Variants in TRPM3 observed in about 807,000 individuals in gnomAD.
The protein encoded by TRPM3 is long transient receptor potential channel 3.
Under a neutral mutation model 181.2 loss-of-function variants are expected in TRPM3, and 77 were observed. The observed-to-expected ratio is 0.42, with a 90% CI of 0.35 to 0.51. The LOEUF is 0.51. TRPM3 is among the 20% of genes least tolerant of loss of function. The pLI, the probability that TRPM3 is intolerant of heterozygous loss-of-function variation, is 0.01. For synonymous variants in TRPM3, 745 were observed against 796.4 expected, an observed-to-expected ratio of 0.94 and a Z score of 1.09; for missense variants, 1,759 against 2,196.7, an observed-to-expected ratio of 0.80 and a Z score of 3.98.
chr9:70,785,882 G>A (rs1308469562), intron 6 of TRPM3, among the ~76,000 whole-genome samples: 1 of 152,156 alleles, frequency 6.6e-6, no homozygotes, highest in Non-Finnish European at 1.5e-5. Context: ...GATGATTGTT[G>A]ATCAAGGCAA....
chr9:70,831,247 A>T (rs1489086044), intron 5 of TRPM3, among the ~76,000 whole-genome samples: 1 of 152,218 alleles, frequency 6.6e-6, no homozygotes, highest in Non-Finnish European at 1.5e-5. Context: ...ATATCTAAAA[A>T]GATTTGCTGA....
Position 70,758,677 on chromosome 9 carries a change from C to G in TRPM3, c.1272+2924G>C, listed in dbSNP as rs565227836. Among the ~76,000 whole-genome samples, 7 of 152,224 alleles carry G rather than the reference C, an allele frequency of 4.6e-5. No homozygotes were observed. In the South Asian group the frequency reaches 1.5e-3, roughly 32 times the overall value. On this transcript the variant is annotated intron_variant, in intron 8 of 25. Coordinates refer to ENST00000677713, the MANE Select transcript of TRPM3 (RefSeq NM_001366145.2). The stretch of plus-strand genomic sequence containing the variant: ...AACAGAGGCCTCAGAAATAATGCCA[C>G]AAATCTACAACGATCTGATCTTTGA...
At chr9:71,371,327 G>A (rs1165876266) in intron 1 of TRPM3, among the ~76,000 whole-genome samples, 1 of 152,202 alleles carries the variant, frequency 6.6e-6, no homozygotes, top group Non-Finnish European at 1.5e-5. Flanking sequence ...CCTCTGGAAA[G>A]GATCCACCAT....
intron 9 of TRPM3, among the ~76,000 whole-genome samples, chr9:70,645,491 A>T (rs1018106155): frequency 3.3e-5 from 5 of 152,196 alleles, no homozygotes; most frequent in African/African-American, 1.2e-4. Context: ...GGTGTTGGAA[A>T]AACTGGCTAG....
rs979734632 is a variant in TRPM3, at chr9:71,229,393, G to A, written c.183+217260C>T. On this transcript the variant is annotated intron_variant, in intron 1 of 24. Coordinates refer to the TRPM3 transcript ENST00000357533. ...AAGAAAACTTTGGAGAAACTCTCCAGGACATTAAACTTGGCAAAGGTTTCT... is the reference window on the plus strand; with the variant it reads ...AAGAAAACTTTGGAGAAACTCTCCAAGACATTAAACTTGGCAAAGGTTTCT... Among the ~76,000 whole-genome samples the A allele has an allele frequency of 3.9e-5, 6 of 152,098 alleles. No homozygotes were observed. The East Asian group carries it at 1.2e-3, about 29-fold the overall frequency.
Position 70,536,049 on chromosome 9 carries a change from G to C in TRPM3, c.5064C>G (p.Ser1688Arg), listed in dbSNP as rs761787198. Residue 1688 changes from serine to arginine, a missense_variant, in exon 26 of 26, where the codon AGC becomes AGG. Ser to Arg is a moderately radical substitution (Grantham distance 110). Transcript: ENST00000677713. ...CTCGGCCCTCCGGCTTGGAGGACTT[G>C]CTTCTCTGGAAGGGATTTCGCAGGC... ...TASLRNPFQR[S>R]KSSKPEGRGD... is the part of the protein sequence containing the mutation. 3 of 1,613,936 alleles carry C rather than the reference G, an allele frequency of 1.9e-6. No homozygotes were observed. Among genetic ancestry groups the C allele is most frequent in the Non-Finnish European group, 2.5e-6 (3 of 1,179,964 alleles).
chr9:70,676,838 C>T (rs548707235), intron 9 of TRPM3, among the ~76,000 whole-genome samples: 1 of 152,162 alleles, frequency 6.6e-6, no homozygotes, highest in Admixed American at 6.5e-5. Flanking sequence ...CATTCTCCCC[C>T]AAGGCAAGCC....
At chr9:70,836,478 C>T (rs1169086058) in intron 5 of TRPM3, among the ~76,000 whole-genome samples, 1 of 152,190 alleles carries the variant, frequency 6.6e-6, no homozygotes, top group Non-Finnish European at 1.5e-5. Context: ...TCTTCTGAAA[C>T]AGCTTTGACC....
intron 1 of TRPM3, among the ~76,000 whole-genome samples, chr9:71,322,153 G>C (rs1171046264): frequency 6.6e-6 from 1 of 152,068 alleles, no homozygotes; most frequent in African/African-American, 2.4e-5. Flanking sequence ...TCCAAGTACA[G>C]ACAACTTGAA....
chr9:71,248,931 G>C (rs558487949), intron 1 of TRPM3, among the ~76,000 whole-genome samples: 1 of 152,174 alleles, frequency 6.6e-6, no homozygotes, highest in Admixed American at 6.6e-5. Context: ...GAAGGAAGAA[G>C]AGGAAAACAG....
At chr9:71,342,193 C>T (rs1432183192) in intron 1 of TRPM3, among the ~76,000 whole-genome samples, 1 of 145,864 alleles carries the variant, frequency 6.9e-6, no homozygotes, top group Non-Finnish European at 1.5e-5. Context: ...AAGTTTGGCA[C>T]ATTTGGAATG....
At chr9:70,551,159 A>G (rs1365797925) in intron 24 of TRPM3, among the ~76,000 whole-genome samples, 1 of 152,234 alleles carries the variant, frequency 6.6e-6, no homozygotes, top group Non-Finnish European at 1.5e-5. Context: ...AAATTTTAAC[A>G]ATAAAAATTA....
rs1027975818 is a variant in TRPM3, at chr9:71,083,428, A to G, written c.177+37750T>C. On this transcript the variant is annotated intron_variant, in intron 1 of 25. Transcript: ENST00000677713. ...ACCCAAGTCTGACTGATTTGAAGCC[A>G]GTCCTCTTCCCGATCCTTCATCCTG... 8.5e-5 allele frequency among the ~76,000 whole-genome samples: 13 copies of G among 152,178 alleles called. 1 individual carries two copies. The highest frequency in any genetic ancestry group is 3.1e-4 in the African/African-American group (13 of 41,536).
intron 1 of TRPM3, among the ~76,000 whole-genome samples, chr9:71,210,193 T>C (rs2174306): frequency 0.43 from 65,229 of 151,888 alleles, 14,406 homozygotes; most frequent in East Asian, 0.52. Context: ...TTTTGTGAAC[T>C]ATACATGTGA....
chr9:71,372,862 A>G (rs1052383599), intron 1 of TRPM3, among the ~76,000 whole-genome samples: 1 of 152,268 alleles, frequency 6.6e-6, no homozygotes, highest in Non-Finnish European at 1.5e-5. Flanking sequence ...ATTTACCTCT[A>G]TCATATGATA....
At chr9:71,125,140 T>A (rs1406748112), upstream of TRPM3, among the ~76,000 whole-genome samples, 1 of 152,222 alleles carries the variant, frequency 6.6e-6, no homozygotes, top group African/African-American at 2.4e-5. Flanking sequence ...TATTAACGTC[T>A]TGCTTGCTTA....
At chr9:70,856,371 G>A (rs970394955) in intron 3 of TRPM3, among the ~76,000 whole-genome samples, 6 of 151,420 alleles carry the variant, frequency 4.0e-5, no homozygotes, top group Admixed American at 3.3e-4. Context: ...TACCGTGTAT[G>A]TAAAGCTGCT....
intron 6 of TRPM3, among the ~76,000 whole-genome samples, chr9:70,799,137 T>C (rs1217004930): frequency 6.6e-6 from 1 of 152,196 alleles, no homozygotes; most frequent in Non-Finnish European, 1.5e-5. Context: ...TGGAAGGATG[T>C]CTACAAAACT....
intron 6 of TRPM3, 129 bp from the exon 7 acceptor site, chr9:70,784,408 G>C: frequency 9.7e-7 from 1 of 1,036,044 alleles, no homozygotes; most frequent in Non-Finnish European, 1.4e-6. Context: ...AGCAACATAT[G>C]AAGGGATATG....
Sources: allele counts gnomAD v4.1 joint callset (sites outside exome capture counted in the v4.1 genomes callset), GRCh38; gene constraint gnomAD v4.1.1; transcripts MANE v1.5; gene names NCBI Gene and HGNC (gene_info 2026-07-23, HGNC 2026-07-21).